Variants in SORCS3 observed in about 807,000 individuals in gnomAD.
SORCS3 encodes the protein sortilin related VPS10 domain containing receptor 3.
Under a neutral mutation model 146.3 loss-of-function variants are expected in SORCS3, and 57 were observed. The ratio of observed to expected loss-of-function variants is 0.39; its 90% CI spans 0.31 to 0.49. The LOEUF (loss-of-function observed/expected upper bound fraction) is 0.49, where lower values mean the gene tolerates loss of function less well. SORCS3 is among the 20% of genes least tolerant of loss of function. The pLI, the probability that SORCS3 is intolerant of heterozygous loss-of-function variation, is 0.92. For synonymous variants in SORCS3, 653 were observed against 618.5 expected, an observed-to-expected ratio of 1.06 and a Z score of -0.83; for missense variants, 1,341 against 1,575.5, an observed-to-expected ratio of 0.85 and a Z score of 2.52.
chr10:104,781,917 G>A (rs926329294), intron 1 of SORCS3, among the ~76,000 whole-genome samples: 1 of 152,204 alleles, frequency 6.6e-6, no homozygotes, highest in Non-Finnish European at 1.5e-5. Context: ...TTCTCCTTTA[G>A]ATAAAAGAAT....
chr10:105,216,134 CTG>C (rs1277876887), intron 18 of SORCS3, among the ~76,000 whole-genome samples: 1 of 152,078 alleles, frequency 6.6e-6, no homozygotes, highest in Admixed American at 6.6e-5. Context: ...ACAGAGATAT[CTG>C]TGAACTGGGA....
intron 9 of SORCS3, among the ~76,000 whole-genome samples, chr10:105,153,446 C>T (rs985628561): frequency 1.3e-5 from 2 of 152,022 alleles, no homozygotes; most frequent in Non-Finnish European, 2.9e-5. Context: ...TTTTATTTCT[C>T]ATGGGTAAAT....
intron 1 of SORCS3, among the ~76,000 whole-genome samples, chr10:104,770,409 T>G (rs952399868): frequency 6.6e-6 from 1 of 152,180 alleles, no homozygotes; most frequent in Non-Finnish European, 1.5e-5. Flanking sequence ...ATGGTATCTG[T>G]GGGGATGCCA....
chr10:104,990,225 A>G (rs1564729694), intron 4 of SORCS3, among the ~76,000 whole-genome samples: 1 of 152,218 alleles, frequency 6.6e-6, no homozygotes, highest in Non-Finnish European at 1.5e-5. Flanking sequence ...GGTAACTCTG[A>G]GACATATGTC....
chr10:105,073,583 A>C (rs764758209), intron 5 of SORCS3, among the ~76,000 whole-genome samples: 13 of 152,086 alleles, frequency 8.5e-5, no homozygotes, highest in Non-Finnish European at 1.9e-4. Flanking sequence ...ATTTTAGAGC[A>C]CAGAATGTTA....
intron 2 of SORCS3, among the ~76,000 whole-genome samples, chr10:104,905,865 A>G (rs555397518): frequency 5.3e-5 from 8 of 152,290 alleles, no homozygotes; most frequent in South Asian, 2.1e-4. Context: ...GAGGGGAGGT[A>G]TTTGCATTAA....
Position 104,641,549 on chromosome 10 carries a change from G to C in SORCS3, c.222G>C (p.Ser74=). ...VASQWPEELA[S]ARRAAVLGRR... Reference sequence around the variant, plus strand: ...GCCAGTGGCCGGAGGAGCTGGCGTCGGCGCGGAGAGCCGCCGTGCTGGGGC... The same window carrying C: ...GCCAGTGGCCGGAGGAGCTGGCGTCCGCGCGGAGAGCCGCCGTGCTGGGGC... The change falls in exon 1 of 27, where the codon TCG becomes TCC. Residue 74 remains serine (S), a synonymous_variant. Coordinates refer to ENST00000369701, the MANE Select transcript of SORCS3 (RefSeq NM_014978.3). The surrounding 1 kb of genome is among the most constrained non-coding windows in gnomAD (Gnocchi z 6.4). 1.4e-6 allele frequency: 2 copies of C among 1,469,668 alleles called. No homozygotes were observed. The highest frequency in any genetic ancestry group is 1.8e-6 in the Non-Finnish European group (2 of 1,120,558). The allele number at this position is 1,469,668 out of a possible 1,614,324, so 91.0% of individuals were successfully genotyped here. A position where few individuals can be genotyped will look rare whatever the true frequency, so the allele number is the denominator to read the frequency against.
chr10:105,167,010 T>C (rs191238714), intron 12 of SORCS3, among the ~76,000 whole-genome samples: 1 of 152,278 alleles, frequency 6.6e-6, no homozygotes, highest in East Asian at 1.9e-4. Context: ...AGCATGCTGG[T>C]TCACAGTACT....
intron 5 of SORCS3, among the ~76,000 whole-genome samples, chr10:105,080,484 G>C (rs1162046149): frequency 6.6e-6 from 1 of 151,974 alleles, no homozygotes; most frequent in Non-Finnish European, 1.5e-5. Flanking sequence ...CTCCCATTCT[G>C]TAGGTTGTCT....
intron 1 of SORCS3, among the ~76,000 whole-genome samples, chr10:104,708,698 T>A (rs1028677210): frequency 3.9e-5 from 6 of 152,054 alleles, no homozygotes; most frequent in African/African-American, 1.4e-4. Context: ...CCATCATCAG[T>A]TTTTTGGCCT....
intron 2 of SORCS3, among the ~76,000 whole-genome samples, chr10:104,899,236 T>C (rs544176958): frequency 3.9e-5 from 6 of 152,334 alleles, no homozygotes; most frequent in South Asian, 2.1e-4. Context: ...ACTTAGTATA[T>C]AGTTTTTAAA....
At chr10:105,206,828 C>G (rs1224775783) in intron 16 of SORCS3, among the ~76,000 whole-genome samples, 1 of 152,154 alleles carries the variant, frequency 6.6e-6, no homozygotes, top group African/African-American at 2.4e-5. Flanking sequence ...CCAAGAACCT[C>G]TATTTGCCTA....
At chr10:104,902,186 T>G (rs1044030426) in intron 2 of SORCS3, among the ~76,000 whole-genome samples, 1 of 152,212 alleles carries the variant, frequency 6.6e-6, no homozygotes, top group African/African-American at 2.4e-5. Context: ...AATGCTTAAG[T>G]GTGAGCCACT....
At chr10:105,048,401 G>A (rs1452000642) in intron 5 of SORCS3, among the ~76,000 whole-genome samples, 5 of 151,268 alleles carry the variant, frequency 3.3e-5, no homozygotes, top group East Asian at 1.9e-4. Context: ...GGATGAAGCT[G>A]GAAACCATCA....
At chr10:104,751,087 C>A (rs1422540505) in intron 1 of SORCS3, among the ~76,000 whole-genome samples, 1 of 152,000 alleles carries the variant, frequency 6.6e-6, no homozygotes, top group Non-Finnish European at 1.5e-5. Context: ...AAAAAAGAGA[C>A]ATTATAGCAG....
chr10:104,823,683 G>C (rs1379494651), intron 1 of SORCS3, among the ~76,000 whole-genome samples: 2 of 152,154 alleles, frequency 1.3e-5, no homozygotes, highest in Non-Finnish European at 2.9e-5. Context: ...AATGAGTCAA[G>C]TCAAAACTCT....
intron 5 of SORCS3, among the ~76,000 whole-genome samples, chr10:105,046,044 G>A (rs1006486446): frequency 1.3e-5 from 2 of 152,078 alleles, no homozygotes; most frequent in Non-Finnish European, 2.9e-5. Context: ...TTCTTATGAA[G>A]TGATCAACCA....
intron 1 of SORCS3, among the ~76,000 whole-genome samples, chr10:104,779,294 T>G (rs2017346405): frequency 6.6e-6 from 1 of 152,160 alleles, no homozygotes; most frequent in Non-Finnish European, 1.5e-5. Context: ...GGTCTTTTGT[T>G]GTAGCAGCCG....
intron 1 of SORCS3, among the ~76,000 whole-genome samples, chr10:104,673,419 C>CGTGT (rs61501873): frequency 0.018 from 2,659 of 146,052 alleles, 63 homozygotes; most frequent in African/African-American, 0.053. Flanking sequence ...TTCTTATTTC[C>CGTGT]GTGTGTGTGT....
Sources: allele counts gnomAD v4.1 joint callset (sites outside exome capture counted in the v4.1 genomes callset), GRCh38; gene constraint gnomAD v4.1.1; non-coding constraint Gnocchi (gnomAD v3.1); transcripts MANE v1.5; gene names NCBI Gene and HGNC (gene_info 2026-07-23, HGNC 2026-07-21).